Variants in ARFGAP3 observed in about 807,000 individuals in gnomAD.
ARFGAP3 encodes the protein ARF GTPase activating protein 3.
A neutral mutation model predicts 75.0 loss-of-function variants in ARFGAP3; 72 were observed. That is an observed-to-expected ratio of 0.96 (90% CI 0.79 to 1.17). The LOEUF (loss-of-function observed/expected upper bound fraction) is 1.17. ARFGAP3 is among the 50% of genes most tolerant of loss of function. The pLI is 0.00. For synonymous variants in ARFGAP3, 221 were observed against 217.9 expected (o/e 1.01, Z -0.13); for missense variants, 620 against 626.6 (o/e 0.99, Z 0.11).
chr22:42,848,454 C>T (rs1415826819), intron 1 of ARFGAP3, among the ~76,000 whole-genome samples: 2 of 152,188 alleles, frequency 1.3e-5, no homozygotes, highest in East Asian at 3.9e-4. Context: ...GTGATCCACC[C>T]GCCTTGGACT....
chr22:42,799,300 G>A (rs1569130070), intron 14 of ARFGAP3, 140 bp from the exon 15 acceptor site: 6 of 1,450,038 alleles, frequency 4.1e-6, no homozygotes, highest in Non-Finnish European at 5.5e-6. Flanking sequence ...ACAGTGGGAT[G>A]GAGACTCGGG....
intron 3 of ARFGAP3, among the ~76,000 whole-genome samples, chr22:42,838,275 C>CACATAT (rs147134739): frequency 0.017 from 2,304 of 137,798 alleles, 57 homozygotes; most frequent in African/African-American, 0.059. Context: ...TACACACACA[C>CACATAT]ATATATATAT....
intron 1 of ARFGAP3, 131 bp downstream of exon 1, chr22:42,856,983 G>A (rs988947726): frequency 1.9e-5 from 17 of 879,450 alleles, no homozygotes; most frequent in African/African-American, 5.4e-5. Context: ...AGGCTGCCGC[G>A]GCCCCACAGT....
At chr22:42,849,786 C>T (rs929605530) in intron 1 of ARFGAP3, among the ~76,000 whole-genome samples, 4 of 151,870 alleles carry the variant, frequency 2.6e-5, no homozygotes, top group Non-Finnish European at 5.9e-5. Context: ...GTCTTGAACG[C>T]CTGGGCTCAA....
chr22:42,809,814 T>C (rs1233654208), intron 12 of ARFGAP3, among the ~76,000 whole-genome samples: 1 of 151,672 alleles, frequency 6.6e-6, no homozygotes, highest in Non-Finnish European at 1.5e-5. Flanking sequence ...CCATCCTTGC[T>C]AACATGGTGA....
At chr22:42,846,631 T>C (rs1038390405) in intron 2 of ARFGAP3, among the ~76,000 whole-genome samples, 6 of 152,192 alleles carry the variant, frequency 3.9e-5, no homozygotes, top group Admixed American at 3.9e-4. Context: ...CTAAAAATCA[T>C]TCACTCAGGC....
chr22:42,835,714 G>A (rs529925948), intron 3 of ARFGAP3: 118 of 160,824 alleles, frequency 7.3e-4, no homozygotes, highest in African/African-American at 2.8e-3. Flanking sequence ...CCAGCTACTT[G>A]GGAGGCTGAG....
At chr22:42,849,362 T>C (rs1044146685) in intron 1 of ARFGAP3, among the ~76,000 whole-genome samples, 1 of 152,238 alleles carries the variant, frequency 6.6e-6, no homozygotes, top group South Asian at 2.1e-4. Flanking sequence ...CCAGGTCACT[T>C]TGATAACTCT....
intron 6 of ARFGAP3, 54 bp from the exon 7 acceptor site, chr22:42,827,053 T>C: frequency 6.2e-7 from 1 of 1,600,094 alleles, no homozygotes; most frequent in Non-Finnish European, 8.5e-7. Context: ...GCTAACTTGC[T>C]TTTGAATATA....
In ARFGAP3 at chr22:42,796,698, CTTTA is replaced by C. The variant is rs904321982; in HGVS notation, c.*886_*889del. On this transcript the variant is annotated 3_prime_UTR_variant, in exon 16 of 16. Coordinates refer to ENST00000263245, the MANE Select transcript of ARFGAP3 (RefSeq NM_014570.5). ...TCTAAAACACAGCTAAATTATTTTT[CTTTA>C]TTTGTTTATACACATTCGGTAATTT... is the stretch of plus-strand genomic sequence containing the variant. 56 of 152,294 alleles carry C rather than the reference CTTTA, an allele frequency of 3.7e-4. No individual in the cohort carries two copies. The highest frequency in any genetic ancestry group is 3.1e-3 in the Admixed American group (47 of 15,302). 9.4% of individuals were successfully genotyped at this position (152,294 alleles called of 1,614,324 possible).
intron 11 of ARFGAP3, among the ~76,000 whole-genome samples, chr22:42,813,158 C>G (rs919173907): frequency 6.6e-6 from 1 of 152,236 alleles, no homozygotes; most frequent in African/African-American, 2.4e-5. Flanking sequence ...GTCAGGCACT[C>G]TGCTAGGGGA....
At chr22:42,838,615 G>C (rs547791377) in intron 3 of ARFGAP3, among the ~76,000 whole-genome samples, 1 of 151,604 alleles carries the variant, frequency 6.6e-6, no homozygotes, top group Non-Finnish European at 1.5e-5. Context: ...TATTTGAAAT[G>C]CATACAAATT....
chr22:42,822,362 T>C lies in ARFGAP3; in HGVS notation c.720A>G (p.Thr240=). ...GSLGAQKLAN[T]CFNEIEKQAQ... ...CTTGTTTTTCAATTTCATTAAAGCA[T>C]GTGTTTGCCAGTTTCTGAGCTCCCA... Residue 240 remains threonine (T), a synonymous_variant, in exon 9 of 16, where the codon ACA becomes ACG. Transcript: ENST00000263245. The C allele has an allele frequency of 1.9e-6, 3 of 1,614,202 alleles. No homozygotes were observed. Among genetic ancestry groups the C allele is most frequent in the East Asian group, 2.2e-5 (1 of 44,890 alleles).
chr22:42,841,104 C>T (rs1926762502), intron 2 of ARFGAP3, 88 bp from the exon 3 acceptor site: 1 of 1,513,214 alleles, frequency 6.6e-7, no homozygotes, highest in Non-Finnish European at 8.8e-7. Flanking sequence ...TTTCCTTAGG[C>T]TTTAGGATCC....
At position 42,847,527 on chromosome 22, in the gene ARFGAP3, A is replaced by G. The variant is rs1014763162; in HGVS notation, c.175T>C (p.Leu59=). 6 of 1,613,066 alleles carry G rather than the reference A, an allele frequency of 3.7e-6. No individual in the cohort carries two copies. In the African/African-American group the frequency reaches 4.0e-5, roughly 11 times the overall value. The change falls in exon 2 of 16, where the codon TTG becomes CTG. Residue 59 remains leucine, a synonymous_variant. Transcript: ENST00000263245. ...SGSHRSLGVH[L]SFIRSTELDS... is the part of the protein sequence containing the mutation. ...AGATTCACTTACCGAATAAAACTCA[A>G]GTGAACACCAAGTGACCGGTGGGAC... is the stretch of plus-strand genomic sequence containing the variant.
Position 42,851,456 on chromosome 22 carries a change from A to AG in ARFGAP3, c.70-3825dup, listed in dbSNP as rs141310933. 2.6e-3 allele frequency among the ~76,000 whole-genome samples: 388 copies of AG among 151,918 alleles called. 2 individuals are homozygous for AG. The highest frequency in any genetic ancestry group is 8.7e-3 in the African/African-American group (362 of 41,394). On this transcript the variant is annotated intron_variant, in intron 1 of 15. Transcript: ENST00000263245. Reference sequence around the variant, plus strand: ...GGGATTGCTAAAATGTAGCCCCATGAGGGGGGGGCCATGTCTACCTTATTC... The same window carrying AG: ...GGGATTGCTAAAATGTAGCCCCATGAGGGGGGGGGCCATGTCTACCTTATTC...
At chr22:42,845,549 A>T (rs1413366364) in intron 2 of ARFGAP3, among the ~76,000 whole-genome samples, 1 of 151,256 alleles carries the variant, frequency 6.6e-6, no homozygotes, top group Non-Finnish European at 1.5e-5. Context: ...AACCCAAAAC[A>T]ACAACAACAA....
Position 42,808,804 on chromosome 22 carries a change from G to T in ARFGAP3, c.1283C>A (p.Ser428Ter). 6.2e-7 allele frequency: 1 copy of T among 1,613,566 alleles called. No individual in the cohort carries two copies. The highest frequency in any genetic ancestry group is 1.7e-5 in the Admixed American group (1 of 59,978). ...TTGTCTTCCAAAATACATATCTGATGAAATGGCCTTGACATTGCCAAACTT... is the reference window on the plus strand; with the variant it reads ...TTGTCTTCCAAAATACATATCTGATTAAATGGCCTTGACATTGCCAAACTT... ...QKKFGNVKAISSDMYFGRQSQ... is the reference protein window; with the variant it reads ...QKKFGNVKAI Residue 428 changes from serine (S) to a stop codon, truncating the protein, a stop_gained, in exon 13 of 16, where the codon TCA (serine) becomes TAA (stop). Transcript: ENST00000263245. LOFTEE classifies it high-confidence loss of function.
At chr22:42,823,513 C>T in intron 8 of ARFGAP3, 143 bp downstream of exon 8, 1 of 490,798 alleles carries the variant, frequency 2.0e-6, no homozygotes, top group Non-Finnish European at 3.6e-6. Context: ...ACATTAATCT[C>T]TTTGAACAAA....
Sources: gnomAD v4.1 joint callset for allele counts (sites outside exome capture counted in the v4.1 genomes callset) on GRCh38, gnomAD v4.1.1 for gene constraint, MANE v1.5 for transcripts, NCBI Gene and HGNC (gene_info 2026-07-23, HGNC 2026-07-21) for gene names.